The following DTNB variants were observed in gnomAD, a reference collection of about 807,000 sequenced individuals.
DTNB encodes the protein dystrobrevin beta, also known as DTN-B.
DTNB carries 63 observed loss-of-function variants against 90.7 expected under a neutral mutation model. That is an observed-to-expected ratio of 0.69 (90% CI 0.57 to 0.86). DTNB has a LOEUF of 0.86. Among genes scored for constraint, DTNB ranks in the 40% least tolerant of loss-of-function variants. The pLI, the probability that DTNB is intolerant of heterozygous loss-of-function variation, is 0.00. For synonymous variants in DTNB, 277 were observed against 286.7 expected, an observed-to-expected ratio of 0.97 and a Z score of 0.34; for missense variants, 744 against 807.1, an observed-to-expected ratio of 0.92 and a Z score of 0.95.
rs1233694926 is a variant in DTNB at position 25,455,311 on chromosome 2, T to TG, written c.1169+93dup. 58 of 1,155,246 alleles carry TG rather than the reference T, an allele frequency of 5.0e-5. 1 individual carries two copies. In the East Asian group the frequency reaches 1.5e-3, roughly 31 times the overall value. 71.6% of individuals were successfully genotyped at this position (1,155,246 alleles called of 1,614,324 possible). A position where few individuals can be genotyped will look rare whatever the true frequency, so the allele number is the denominator to read the frequency against. ...GTAGCTGCTCAAGAAAAACCTGACA[T>TG]GCAGTTTTTTTTCCAGCTGACAACC... On this transcript the variant is annotated intron_variant, in intron 11 of 20. Transcript: ENST00000406818.
chr2:25,428,762 G>A (rs929647570), intron 14 of DTNB, among the ~76,000 whole-genome samples: 1 of 152,108 alleles, frequency 6.6e-6, no homozygotes, highest in Non-Finnish European at 1.5e-5. Context: ...GGAAAAAGCA[G>A]TGAAATAGAA....
At chr2:25,546,181 G>C (rs552020772) in intron 8 of DTNB, among the ~76,000 whole-genome samples, 3 of 152,190 alleles carry the variant, frequency 2.0e-5, no homozygotes, top group Admixed American at 2.0e-4. Flanking sequence ...TCAGAACTAG[G>C]CAAGTCTGCA....
chr2:25,633,763 T>A (rs2076333121), intron 3 of DTNB, among the ~76,000 whole-genome samples: 1 of 151,348 alleles, frequency 6.6e-6, no homozygotes, highest in Non-Finnish European at 1.5e-5. Flanking sequence ...AGTGAGGAAG[T>A]GAGGAGCGTC....
chr2:25,494,890 G>A (rs1157485354), intron 9 of DTNB, among the ~76,000 whole-genome samples: 1 of 151,426 alleles, frequency 6.6e-6, no homozygotes, highest in Non-Finnish European at 1.5e-5. Flanking sequence ...GATCTCTAAG[G>A]AGAGAGCACT....
intron 10 of DTNB, among the ~76,000 whole-genome samples, chr2:25,472,111 G>A (rs747080160): frequency 3.9e-5 from 6 of 152,154 alleles, no homozygotes; most frequent in African/African-American, 7.2e-5. Context: ...TTTGAGAGAC[G>A]GAATTTGTTT....
intron 6 of DTNB, among the ~76,000 whole-genome samples, chr2:25,585,620 T>C (rs2062251920): frequency 6.6e-6 from 1 of 152,226 alleles, no homozygotes; most frequent in Non-Finnish European, 1.5e-5. Context: ...AATTTAGCTA[T>C]AGATCATCAT....
chr2:25,524,940 G>A (rs2076812101), intron 9 of DTNB, among the ~76,000 whole-genome samples: 1 of 152,162 alleles, frequency 6.6e-6, no homozygotes. Flanking sequence ...CCAGGACCCA[G>A]TAGTTAGCCT....
chr2:25,386,467 G>A (rs1558293929), intron 18 of DTNB, among the ~76,000 whole-genome samples: 1 of 152,254 alleles, frequency 6.6e-6, no homozygotes, highest in African/African-American at 2.4e-5. Context: ...AGAGCCATCA[G>A]TGTGAGTGAC....
chr2:25,567,158 T>TA (rs964867407), intron 8 of DTNB, among the ~76,000 whole-genome samples: 8 of 151,854 alleles, frequency 5.3e-5, no homozygotes, highest in East Asian at 1.9e-4. Flanking sequence ...TCTTATAAGT[T>TA]AAAAAAAAAT....
At chr2:25,619,284 G>T (rs1048683742) in intron 4 of DTNB, among the ~76,000 whole-genome samples, 12 of 152,086 alleles carry the variant, frequency 7.9e-5, no homozygotes, top group Non-Finnish European at 4.4e-5. Context: ...ACTATTACCA[G>T]TCCGATTATC....
intron 8 of DTNB, 109 bp from the exon 9 acceptor site, chr2:25,531,706 C>A: frequency 7.1e-7 from 1 of 1,414,694 alleles, no homozygotes; most frequent in Non-Finnish European, 9.4e-7. Flanking sequence ...TTTTCAAATA[C>A]AAATCAAGTT....
At chr2:25,505,800 T>C (rs2072253764) in intron 9 of DTNB, among the ~76,000 whole-genome samples, 1 of 152,234 alleles carries the variant, frequency 6.6e-6, no homozygotes, top group Non-Finnish European at 1.5e-5. Context: ...AATGCATCTT[T>C]GACGTCAATG....
intron 1 of DTNB, among the ~76,000 whole-genome samples, chr2:25,668,465 G>A (rs193293316): frequency 1.4e-3 from 217 of 152,234 alleles, no homozygotes; most frequent in South Asian, 9.3e-3. Context: ...CCCTTGCAGG[G>A]TTGTAGCATG....
At chr2:25,393,590 G>A (rs1182931193) in intron 16 of DTNB, among the ~76,000 whole-genome samples, 4 of 151,952 alleles carry the variant, frequency 2.6e-5, no homozygotes, top group Non-Finnish European at 5.9e-5. Context: ...TATCAACAGC[G>A]ACCAAGCTGA....
chr2:25,626,289 G>C (rs1288665661), intron 4 of DTNB, among the ~76,000 whole-genome samples: 1 of 152,114 alleles, frequency 6.6e-6, no homozygotes, highest in Non-Finnish European at 1.5e-5. Context: ...TACTGAGTGA[G>C]TCAGTGTCAT....
At chr2:25,392,260 A>C (rs1448591535) in intron 16 of DTNB, among the ~76,000 whole-genome samples, 1 of 152,072 alleles carries the variant, frequency 6.6e-6, no homozygotes, top group Non-Finnish European at 1.5e-5. Flanking sequence ...AAAAACAAAA[A>C]TTAACAGGGT....
At chr2:25,451,760 G>A in intron 11 of DTNB, 125 bp from the exon 12 acceptor site, 1 of 899,576 alleles carries the variant, frequency 1.1e-6, no homozygotes, top group Non-Finnish European at 1.5e-6. Flanking sequence ...AGAGGCCTGG[G>A]TCATAGATAC....
Position 25,387,780 on chromosome 2 carries a change from A to G in DTNB, c.1736-402T>C, listed in dbSNP as rs865922067. 2.0e-5 allele frequency among the ~76,000 whole-genome samples: 3 copies of G among 152,052 alleles called. No individual in the cohort carries two copies. The highest frequency in any genetic ancestry group is 1.3e-4 in the Admixed American group (2 of 15,280). ...CTTCCCTCTGAATCCCCACCCAACT[A>G]CTTAATACTGCTGGTCACCAGCTCC... On this transcript the variant is annotated intron_variant, in intron 17 of 20. Transcript: ENST00000406818. The surrounding 1 kb of genome is among the most constrained non-coding windows in gnomAD (Gnocchi z 4.5).
intron 9 of DTNB, among the ~76,000 whole-genome samples, chr2:25,525,537 G>C (rs1217630491): frequency 6.6e-6 from 1 of 151,948 alleles, no homozygotes; most frequent in Non-Finnish European, 1.5e-5. Flanking sequence ...TCGGGAGGCT[G>C]AGGCAGGAGA....
Sources: allele counts gnomAD v4.1 joint callset (sites outside exome capture counted in the v4.1 genomes callset), GRCh38; gene constraint gnomAD v4.1.1; non-coding constraint Gnocchi (gnomAD v3.1); transcripts MANE v1.5; gene names NCBI Gene and HGNC (gene_info 2026-07-23, HGNC 2026-07-21).